DPP7: variants seen among roughly 807,000 people sequenced by gnomAD.
The protein encoded by DPP7 is dipeptidyl peptidase 2.
In DPP7, 74 loss-of-function variants were observed where a neutral mutation model predicts 58.8. That is an observed-to-expected ratio of 1.26 (90% confidence interval 1.04 to 1.53). DPP7 has a LOEUF of 1.53. Among genes scored for constraint, DPP7 ranks in the 40% most tolerant of loss-of-function variants. The probability of loss-of-function intolerance (pLI) is 0.00; values close to 1 mark genes in which losing one functional copy is unlikely to be tolerated. For synonymous variants in DPP7, 350 were observed against 303.6 expected (o/e 1.15, Z -1.59); for missense variants, 807 against 692.3 (o/e 1.17, Z -1.86).
In DPP7 at chr9:137,111,905, G is replaced by A. The variant is rs1831385336; in HGVS notation, c.1175C>T (p.Pro392Leu). 1 of 1,613,012 alleles carries A rather than the reference G, an allele frequency of 6.2e-7. No homozygotes were observed. The highest frequency in any genetic ancestry group is 1.3e-5 in the African/African-American group (1 of 74,804). ...CLDTWGVWPR[P>L]DWLLTSFWGG... is the part of the protein sequence containing the mutation. ...CCAGAAGCTGGTCAGCAGCCAGTCG[G>A]GCCGGGGCCACACGCCCCAGGTGTC... Residue 392 changes from proline (P) to leucine (L), a missense_variant, in exon 10 of 13, where the codon CCC becomes CTC. Pro to Leu is a moderately conservative substitution (Grantham distance 98). Transcript: ENST00000371579.
chr9:137,113,744 C>T (rs1831494790), intron 4 of DPP7, 121 bp downstream of exon 4: 3 of 1,412,132 alleles, frequency 2.1e-6, no homozygotes, highest in Non-Finnish European at 2.8e-6. Flanking sequence ...AGCCTGGAAC[C>T]ACTGCCTGAG....
At chr9:137,112,418 G>A in intron 8 of DPP7, 188 bp from the exon 9 acceptor site, 1 of 633,844 alleles carries the variant, frequency 1.6e-6, no homozygotes, top group African/African-American at 1.8e-5. Flanking sequence ...CCAGCCCCGG[G>A]CCTGACTGTT....
At chr9:137,113,809 G>A (rs1831497471) in intron 4 of DPP7, 56 bp downstream of exon 4, 1 of 1,413,612 alleles carries the variant, frequency 7.1e-7, no homozygotes, top group Admixed American at 2.5e-5. Flanking sequence ...AAGGGCTGGG[G>A]GCGCTGGGTC....
In DPP7 at chr9:137,111,909, G is replaced by A. The variant is rs772744202; in HGVS notation, c.1171C>T (p.Arg391Trp). ...YCLDTWGVWP[R>W]PDWLLTSFWG... ...AAGCTGGTCAGCAGCCAGTCGGGCCGGGGCCACACGCCCCAGGTGTCCAGG... is the reference window on the plus strand; with the variant it reads ...AAGCTGGTCAGCAGCCAGTCGGGCCAGGGCCACACGCCCCAGGTGTCCAGG... The change falls in exon 10 of 13, where the codon CGG becomes TGG. Residue 391 changes from arginine (R) to tryptophan (W), a missense_variant. Coordinates refer to ENST00000371579, the MANE Select transcript of DPP7 (RefSeq NM_013379.3). 60 of 1,612,242 alleles carry A rather than the reference G, an allele frequency of 3.7e-5. No homozygotes were observed. The highest frequency in any genetic ancestry group is 9.4e-5 in the African/African-American group (7 of 74,460).
chr9:137,111,600 T>G, intron 11 of DPP7, 90 bp downstream of exon 11: 1 of 1,456,862 alleles, frequency 6.9e-7, no homozygotes, highest in Non-Finnish European at 9.5e-7. Flanking sequence ...ATCTCGCCAC[T>G]GTATTCCAGC....
intron 8 of DPP7, 92 bp from the exon 9 acceptor site, chr9:137,112,322 A>G (rs1831413097): frequency 2.8e-6 from 3 of 1,083,082 alleles, no homozygotes; most frequent in South Asian, 1.6e-5. Flanking sequence ...ATGGTCCTGC[A>G]GGGGATCTGG....
upstream of DPP7, among the ~76,000 whole-genome samples, chr9:137,117,934 C>G (rs1291316497): frequency 6.6e-6 from 1 of 152,130 alleles, no homozygotes; most frequent in Non-Finnish European, 1.5e-5. Flanking sequence ...TACCATCTGT[C>G]TCTGTGGCTC....
At chr9:137,111,373 T>A (rs113640450) in intron 11 of DPP7, among the ~76,000 whole-genome samples, 32 of 140,968 alleles carry the variant, frequency 2.3e-4, no homozygotes, top group Admixed American at 5.6e-4. Context: ...GGGAGCAGGG[T>A]AGGGGCAGGC....
intron 11 of DPP7, among the ~76,000 whole-genome samples, chr9:137,111,229 C>T (rs1831346938): frequency 6.6e-6 from 1 of 151,520 alleles, no homozygotes; most frequent in South Asian, 2.1e-4. Context: ...CCTGTGATCC[C>T]AGCACTCTGA....
chr9:137,112,238 G>A lies in DPP7; in HGVS notation c.932-8C>T. 1 of 1,594,340 alleles carries A rather than the reference G, an allele frequency of 6.3e-7. No homozygotes were observed. Among genetic ancestry groups the A allele is most frequent in the Non-Finnish European group, 8.5e-7 (1 of 1,177,322 alleles). The stretch of plus-strand genomic sequence containing the variant: ...AGGCGTTGTAGACCAGCCCTGGGGA[G>A]GAGAGGCGCTGGGGCCCAGCGGCCA... On this transcript the variant is annotated splice_region_variant and splice_polypyrimidine_tract_variant and intron_variant, in intron 8 of 12. Coordinates refer to ENST00000371579, the MANE Select transcript of DPP7 (RefSeq NM_013379.3).
chr9:137,113,821 G>C (rs1831498527), intron 4 of DPP7, 44 bp downstream of exon 4: 1 of 1,439,602 alleles, frequency 6.9e-7, no homozygotes, highest in Non-Finnish European at 9.2e-7. Context: ...CGCTGGGTCG[G>C]GGCAGGGGAG....
intron 11 of DPP7, 79 bp from the exon 12 acceptor site, chr9:137,111,029 C>T (rs935359112): frequency 9.4e-6 from 13 of 1,380,906 alleles, no homozygotes; most frequent in African/African-American, 5.7e-5. Context: ...GGAGAGGAGA[C>T]GTGAGAGGGC....
chr9:137,115,180 C>CGGGCT (rs1267014068), upstream of DPP7: 4 of 153,516 alleles, frequency 2.6e-5, no homozygotes, highest in African/African-American at 9.6e-5. Flanking sequence ...CAAGCGATAA[C>CGGGCT]GGGCTGGGCT....
At position 137,110,764 on chromosome 9, in the gene DPP7, G is replaced by T; in HGVS notation, c.1363C>A (p.Pro455Thr). The T allele has an allele frequency of 1.2e-6, 2 of 1,606,024 alleles. No homozygotes were observed. Among genetic ancestry groups the T allele is most frequent in the Non-Finnish European group, 1.7e-6 (2 of 1,179,784 alleles). The part of the protein sequence containing the change: ...LDLRASHPED[P>T]ASVVEARKLE... ...TTCCGCGCCTCAACCACGGAAGCAG[G>T]ATCTTCTGGGTGGGAGGCTCTGGGG... is the stretch of plus-strand genomic sequence containing the variant. The change falls in exon 13 of 13, where the codon CCT becomes ACT. Residue 455 changes from proline (P) to threonine (T), a missense_variant. By Grantham distance (38) the Pro-to-Thr change is conservative. Coordinates refer to ENST00000371579, the MANE Select transcript of DPP7 (RefSeq NM_013379.3).
At chr9:137,111,070 A>G in intron 11 of DPP7, 120 bp from the exon 12 acceptor site, 1 of 974,204 alleles carries the variant, frequency 1.0e-6, no homozygotes, top group Non-Finnish European at 1.6e-6. Context: ...TCAAGCAACC[A>G]GAGAGAACCA....
chr9:137,113,162 C>G (rs376201008), intron 6 of DPP7, 43 bp from the exon 7 acceptor site: 11 of 1,613,690 alleles, frequency 6.8e-6, no homozygotes, highest in East Asian at 2.2e-5. Flanking sequence ...GCATAGCTGG[C>G]GCTGGGGCGG....
At chr9:137,117,170 G>C (rs1197134138), upstream of DPP7, among the ~76,000 whole-genome samples, 3 of 152,170 alleles carry the variant, frequency 2.0e-5, no homozygotes, top group African/African-American at 7.2e-5. Flanking sequence ...TCTTTTCTCA[G>C]TCTCTCATCC....
rs749278220 is a variant in DPP7, at chr9:137,111,773, G to C, written c.1208-19C>G. ...CTGAGATCTGCAAGGGGCAGAGAAA[G>C]TTGTGATGTGGGCCCCTCACGGGGG... On this transcript the variant is annotated intron_variant, in intron 10 of 12. Coordinates refer to ENST00000371579, the MANE Select transcript of DPP7 (RefSeq NM_013379.3). The C allele has an allele frequency of 5.0e-6, 8 of 1,613,724 alleles. No homozygotes were observed. The South Asian group carries it at 8.8e-5, about 18-fold the overall frequency.
Position 137,114,682 on chromosome 9 carries a change from A to G in DPP7, c.32T>C (p.Leu11Pro). MGSAPWAPVL[L>P]LALGLRGLQA... ...GAGGCCGCGCAGCCCGAGCGCCAGC[A>G]GCAGGACCGGGGCCCAGGGAGCGGA... The change falls in exon 1 of 13, where the codon CTG becomes CCG. Residue 11 changes from leucine to proline, a missense_variant. By Grantham distance (98) the Leu-to-Pro change is moderately conservative. This residue lies in a region of DPP7 where 168 missense variants were observed against 124.1 expected (regional missense o/e 1.35). Transcript: ENST00000371579. The G allele has an allele frequency of 7.4e-7, 1 of 1,349,924 alleles. No individual in the cohort carries two copies. The highest frequency in any genetic ancestry group is 1.8e-5 in the South Asian group (1 of 55,064). 83.6% of individuals were successfully genotyped at this position (1,349,924 alleles called of 1,614,324 possible). A position where few individuals can be genotyped will look rare whatever the true frequency, so the allele number is the denominator to read the frequency against.
Sources: gnomAD v4.1 joint callset for allele counts (sites outside exome capture counted in the v4.1 genomes callset) on GRCh38, gnomAD v4.1.1 for gene constraint, gnomAD v4.1.1 regional missense constraint, MANE v1.5 for transcripts, NCBI Gene and HGNC (gene_info 2026-07-23, HGNC 2026-07-21) for gene names.